The following BCKDHB variants were observed in gnomAD, a reference collection of about 807,000 sequenced individuals.
BCKDHB encodes the protein branched chain keto acid dehydrogenase E1 subunit beta.
Under a neutral mutation model 48.5 loss-of-function variants are expected in BCKDHB, and 41 were observed. That is an observed-to-expected ratio of 0.85 (90% CI 0.66 to 1.10). The LOEUF (loss-of-function observed/expected upper bound fraction) is 1.10, where lower values mean the gene tolerates loss of function less well. BCKDHB is among the 50% of genes least tolerant of loss of function. The pLI is 0.00. For synonymous variants in BCKDHB, 201 were observed against 174.8 expected, an observed-to-expected ratio of 1.15 and a Z score of -1.18; for missense variants, 496 against 494.2, an observed-to-expected ratio of 1.00 and a Z score of -0.03.
chr6:80,157,422 A>G (rs1772095356), intron 3 of BCKDHB, among the ~76,000 whole-genome samples: 1 of 150,226 alleles, frequency 6.7e-6, no homozygotes, highest in Admixed American at 6.6e-5. Context: ...ACTATGTACA[A>G]GGGATTGTTC....
the BCKDHB span, among the ~76,000 whole-genome samples, chr6:80,411,841 G>A: frequency 6.6e-6 from 1 of 152,216 alleles, no homozygotes; most frequent in African/African-American, 2.4e-5. Flanking sequence ...TTAGGCAGAA[G>A]TGTATCAGTT....
At chr6:80,440,427 C>A in the BCKDHB span, among the ~76,000 whole-genome samples, 1 of 152,110 alleles carries the variant, frequency 6.6e-6, no homozygotes, top group Non-Finnish European at 1.5e-5. Context: ...TGGACAGCTT[C>A]TTTACCATAT....
chr6:80,172,220 G>A (rs981298771), intron 6 of BCKDHB, among the ~76,000 whole-genome samples: 7 of 151,966 alleles, frequency 4.6e-5, no homozygotes, highest in African/African-American at 1.7e-4. Context: ...TTGCTGAGTA[G>A]TAGTCCATTG....
At chr6:80,266,583 T>C (rs1777523690) in intron 8 of BCKDHB, among the ~76,000 whole-genome samples, 1 of 152,076 alleles carries the variant, frequency 6.6e-6, no homozygotes, top group African/African-American at 2.4e-5. Context: ...CCATCATGCA[T>C]GTTTAAAAAG....
intron 1 of BCKDHB, among the ~76,000 whole-genome samples, chr6:80,107,565 A>ATG (rs1201911851): frequency 3.5e-5 from 5 of 143,326 alleles, no homozygotes; most frequent in Non-Finnish European, 7.5e-5. Context: ...ATGCATATAT[A>ATG]TATGCATATA....
At chr6:80,136,438 T>A (rs1209773327) in intron 3 of BCKDHB, among the ~76,000 whole-genome samples, 1 of 152,114 alleles carries the variant, frequency 6.6e-6, no homozygotes, top group Non-Finnish European at 1.5e-5. Flanking sequence ...GGACCTTTAT[T>A]TAACACCATA....
At chr6:80,325,706 A>C (rs1315104365) in intron 9 of BCKDHB, among the ~76,000 whole-genome samples, 2 of 152,216 alleles carry the variant, frequency 1.3e-5, no homozygotes, top group African/African-American at 2.4e-5. Flanking sequence ...TAGTTTTGGA[A>C]GTTTAAATTG....
At chr6:80,351,162 CAGAA>C (rs1770383186), downstream of BCKDHB, among the ~76,000 whole-genome samples, 1 of 152,138 alleles carries the variant, frequency 6.6e-6, no homozygotes, top group Non-Finnish European at 1.5e-5. Flanking sequence ...ATTCCAGAAA[CAGAA>C]AGAGTCCTTC....
Position 80,168,943 on chromosome 6 carries a change from C to T in BCKDHB, c.546C>T (p.Ile182=), listed in dbSNP as rs1772742795. The T allele has an allele frequency of 1.2e-6, 2 of 1,614,078 alleles. No individual in the cohort carries two copies. The highest frequency in any genetic ancestry group is 2.7e-5 in the African/African-American group (2 of 74,948). ...GDLFNCGSLT[I]RSPWGCVGHG... The stretch of plus-strand genomic sequence containing the variant: ...TTTTTAACTGTGGAAGCCTCACTAT[C>T]CGGTCCCCTTGGGGCTGTGTTGGTC... The change falls in exon 5 of 10, where the codon ATC becomes ATT. Residue 182 remains isoleucine (I), a synonymous_variant. Transcript: ENST00000320393.
chr6:80,387,221 G>A, the BCKDHB span, among the ~76,000 whole-genome samples: 1 of 152,100 alleles, frequency 6.6e-6, no homozygotes, highest in African/African-American at 2.4e-5. Flanking sequence ...TCATCCTGTG[G>A]TCGTTTCCCC....
At chr6:80,303,169 T>C (rs1767672723) in intron 9 of BCKDHB, among the ~76,000 whole-genome samples, 1 of 152,146 alleles carries the variant, frequency 6.6e-6, no homozygotes, top group South Asian at 2.1e-4. Flanking sequence ...AATCTTTTAT[T>C]TTTTAATTTA....
At chr6:80,325,127 A>G (rs954697691) in intron 9 of BCKDHB, among the ~76,000 whole-genome samples, 2 of 152,136 alleles carry the variant, frequency 1.3e-5, no homozygotes, top group Non-Finnish European at 2.9e-5. Flanking sequence ...ATATTTAGAG[A>G]AAAAAATCTG....
chr6:80,426,637 T>C, the BCKDHB span, among the ~76,000 whole-genome samples: 1 of 152,078 alleles, frequency 6.6e-6, no homozygotes, highest in African/African-American at 2.4e-5. Flanking sequence ...TTAAAAAATA[T>C]CTTTCTGTTA....
chr6:80,352,889 C>T, the BCKDHB span, among the ~76,000 whole-genome samples: 2 of 152,156 alleles, frequency 1.3e-5, no homozygotes, highest in Non-Finnish European at 2.9e-5. Flanking sequence ...AGAAACCATA[C>T]TCCATGGAAG....
At position 80,134,576 on chromosome 6, in the gene BCKDHB, TTTTA is replaced by T. The variant is rs545709502; in HGVS notation, c.343+5351_343+5354del. On this transcript the variant is annotated intron_variant, in intron 3 of 9. Coordinates refer to ENST00000320393, the MANE Select transcript of BCKDHB (RefSeq NM_183050.4). ...GCATACATTTAGGTAAGCTTTATGG[TTTTA>T]TTTGTTTTTAAAAAGAGGAACACAG... Among the ~76,000 whole-genome samples, 124 of 152,146 alleles carry T rather than the reference TTTTA, an allele frequency of 8.2e-4. 4 individuals carry two copies. In the South Asian group the frequency reaches 0.025, roughly 31 times the overall value.
chr6:80,319,818 T>A (rs960371359), intron 9 of BCKDHB, among the ~76,000 whole-genome samples: 2 of 152,176 alleles, frequency 1.3e-5, no homozygotes, highest in African/African-American at 4.8e-5. Context: ...TAATCTTAAA[T>A]AAAAGTGAAG....
chr6:80,392,368 T>TA, the BCKDHB span, among the ~76,000 whole-genome samples: 1 of 150,748 alleles, frequency 6.6e-6, no homozygotes, highest in African/African-American at 2.5e-5. Flanking sequence ...CTGTATTTTT[T>TA]TTTTATTTAT....
chr6:80,165,428 A>G (rs941402211), intron 3 of BCKDHB, among the ~76,000 whole-genome samples: 3 of 152,196 alleles, frequency 2.0e-5, no homozygotes, highest in African/African-American at 7.2e-5. Flanking sequence ...TCTGGTCGGC[A>G]TTTCCCAACA....
the BCKDHB span, among the ~76,000 whole-genome samples, chr6:80,463,370 T>G: frequency 1.3e-5 from 2 of 152,214 alleles, no homozygotes; most frequent in Admixed American, 6.5e-5. Context: ...TACATATTTT[T>G]CTTTGGCAAT....
Sources: gnomAD v4.1 joint callset for allele counts (sites outside exome capture counted in the v4.1 genomes callset) on GRCh38, gnomAD v4.1.1 for gene constraint, MANE v1.5 for transcripts, NCBI Gene and HGNC (gene_info 2026-07-23, HGNC 2026-07-21) for gene names.